The following KCNIP4 variants were observed in gnomAD, a reference collection of about 807,000 sequenced individuals.
The protein encoded by KCNIP4 is Kv channel-interacting protein 4.
In KCNIP4, 12 loss-of-function variants were observed where a neutral mutation model predicts 34.0. The ratio of observed to expected loss-of-function variants is 0.35; its 90% CI spans 0.23 to 0.57. KCNIP4 has a LOEUF of 0.57. Ranked by LOEUF, KCNIP4 falls within the 20% of genes least tolerant of loss-of-function variation. KCNIP4 has a pLI of 0.83. For synonymous variants in KCNIP4, 124 were observed against 102.2 expected (o/e 1.21, Z -1.29); for missense variants, 238 against 311.7 (o/e 0.76, Z 1.78).
chr4:21,888,013 AG>A (rs2109396354), intron 1 of KCNIP4, among the ~76,000 whole-genome samples: 1 of 151,972 alleles, frequency 6.6e-6, no homozygotes, highest in African/African-American at 2.4e-5. Context: ...ACTATGTGCC[AG>A]GTATTGTTCT....
intron 1 of KCNIP4, among the ~76,000 whole-genome samples, chr4:20,969,947 T>C (rs1165804081): frequency 1.1e-5 from 1 of 88,358 alleles, no homozygotes; most frequent in Non-Finnish European, 2.7e-5. Flanking sequence ...TTATCAGCAG[T>C]TTTTTTTTTT....
intron 1 of KCNIP4, among the ~76,000 whole-genome samples, chr4:21,652,800 T>C (rs189569154): frequency 7.2e-5 from 11 of 152,320 alleles, no homozygotes; most frequent in Non-Finnish European, 1.3e-4. Context: ...TGATGATATA[T>C]AATTGGATGT....
At chr4:21,360,038 C>A (rs2109403269) in intron 1 of KCNIP4, among the ~76,000 whole-genome samples, 1 of 152,146 alleles carries the variant, frequency 6.6e-6, no homozygotes, top group East Asian at 1.9e-4. Context: ...TTCATTCATT[C>A]ATAAATTCAT....
rs569333982 is a variant in KCNIP4 at position 21,931,907 on chromosome 4, T to C, written c.61+16664A>G. Among the ~76,000 whole-genome samples, 9 of 152,196 alleles carry C rather than the reference T, an allele frequency of 5.9e-5. 1 individual carries two copies. The South Asian group carries it at 1.7e-3, about 28-fold the overall frequency. On this transcript the variant is annotated intron_variant, in intron 1 of 8. Transcript: ENST00000382152. ...TACAGTCCCACCAACAGTGTAAAAGTGTTCCTATTTCTCCACATCCTCTCC... is the reference window on the plus strand; with the variant it reads ...TACAGTCCCACCAACAGTGTAAAAGCGTTCCTATTTCTCCACATCCTCTCC...
At chr4:21,593,572 G>A (rs1319547886) in intron 1 of KCNIP4, among the ~76,000 whole-genome samples, 1 of 152,034 alleles carries the variant, frequency 6.6e-6, no homozygotes, top group Non-Finnish European at 1.5e-5. Flanking sequence ...TTCTCCAGCT[G>A]TTATCTATTA....
rs571917199 is a variant in KCNIP4 at position 20,906,108 on chromosome 4, C to CTCTCTTTCTCTTCCTCTCTT, written c.62-23419_62-23400dup. On this transcript the variant is annotated intron_variant, in intron 1 of 8. Coordinates refer to ENST00000382152, the MANE Select transcript of KCNIP4 (RefSeq NM_025221.6). ...TCCTTTCTTTTCTTTCTCTCTTTTT[C>CTCTCTTTCTCTTCCTCTCTT]TCTCTTTCTCTTCCTCTCTTTCTCT... 2.7e-3 allele frequency among the ~76,000 whole-genome samples: 349 copies of CTCTCTTTCTCTTCCTCTCTT among 130,092 alleles called. 2 individuals carry two copies. The highest frequency in any genetic ancestry group is 8.7e-3 in the African/African-American group (304 of 35,062). The allele number at this position is 130,092 out of a possible 152,430, so 85.3% of individuals were successfully genotyped here.
At chr4:21,880,672 G>A (rs1395535276) in intron 1 of KCNIP4, among the ~76,000 whole-genome samples, 3 of 152,284 alleles carry the variant, frequency 2.0e-5, no homozygotes, top group Admixed American at 1.3e-4. Context: ...AGAATTTACT[G>A]TATGGCATGT....
At chr4:21,633,475 G>T (rs1745904771) in intron 1 of KCNIP4, among the ~76,000 whole-genome samples, 1 of 151,480 alleles carries the variant, frequency 6.6e-6, no homozygotes, top group Non-Finnish European at 1.5e-5. Flanking sequence ...TGGGAGGTTA[G>T]TATCTTCTAA....
intron 2 of KCNIP4, among the ~76,000 whole-genome samples, chr4:20,875,845 C>T (rs1723957550): frequency 1.3e-5 from 2 of 152,156 alleles, no homozygotes; most frequent in Non-Finnish European, 2.9e-5. Flanking sequence ...GCCAACAGAG[C>T]ATCTAAAAAT....
chr4:21,820,281 GTGTGTATATA>G (rs1294728107), intron 1 of KCNIP4, among the ~76,000 whole-genome samples: 5 of 17,910 alleles, frequency 2.8e-4, no homozygotes, highest in Non-Finnish European at 6.5e-4. Flanking sequence ...GTATGTGTGT[GTGTGTATATA>G]TATATATATA....
chr4:21,257,762 A>G (rs112079922), intron 1 of KCNIP4, among the ~76,000 whole-genome samples: 18 of 106,600 alleles, frequency 1.7e-4, no homozygotes, highest in Admixed American at 2.9e-4. Flanking sequence ...AAAAAAAAAA[A>G]AAAGAAAGAA....
chr4:21,703,472 C>A (rs1560645810), intron 1 of KCNIP4, among the ~76,000 whole-genome samples: 1 of 152,098 alleles, frequency 6.6e-6, no homozygotes, highest in Non-Finnish European at 1.5e-5. Flanking sequence ...GACAAAAAAC[C>A]AAACACCACA....
intron 3 of KCNIP4, among the ~76,000 whole-genome samples, chr4:20,837,695 T>TTTTC (rs1426696277): frequency 6.8e-6 from 1 of 147,510 alleles, no homozygotes; most frequent in African/African-American, 2.5e-5. Context: ...TATTTTTTTT[T>TTTTC]CCTTGGAGAT....
chr4:21,317,490 T>A (rs1243604872), intron 1 of KCNIP4, among the ~76,000 whole-genome samples: 1 of 152,184 alleles, frequency 6.6e-6, no homozygotes, highest in Non-Finnish European at 1.5e-5. Flanking sequence ...CAAGGGGTTG[T>A]TAACGATAAT....
intron 2 of KCNIP4, among the ~76,000 whole-genome samples, chr4:20,870,878 A>G (rs1723381596): frequency 6.6e-6 from 1 of 151,914 alleles, no homozygotes; most frequent in South Asian, 2.1e-4. Flanking sequence ...TTCCTCCTCA[A>G]CCTTCTCTGT....
chr4:20,786,615 C>G (rs984417257), intron 3 of KCNIP4, among the ~76,000 whole-genome samples: 1 of 152,016 alleles, frequency 6.6e-6, no homozygotes, highest in Admixed American at 6.6e-5. Context: ...AACAAACTTA[C>G]CTGGGTAATT....
At chr4:21,135,442 G>C (rs563782838) in intron 1 of KCNIP4, among the ~76,000 whole-genome samples, 1 of 152,126 alleles carries the variant, frequency 6.6e-6, no homozygotes. Context: ...GAAAATATGG[G>C]CTCTATCAGA....
chr4:21,219,023 A>C (rs1757807061), intron 1 of KCNIP4, among the ~76,000 whole-genome samples: 1 of 152,144 alleles, frequency 6.6e-6, no homozygotes, highest in African/African-American at 2.4e-5. Context: ...AATATTGATA[A>C]ATTTAATTAT....
At position 20,736,827 on chromosome 4, in the gene KCNIP4, C is replaced by T. The variant is rs59886929; in HGVS notation, c.430-2092G>A. ...AGAAATAATTGTCAAATTCATATTGCAAGGGACCCTGAATAGCCCAGTCAA... is the reference window on the plus strand; with the variant it reads ...AGAAATAATTGTCAAATTCATATTGTAAGGGACCCTGAATAGCCCAGTCAA... On this transcript the variant is annotated intron_variant, in intron 5 of 8. Transcript: ENST00000382152. Among the ~76,000 whole-genome samples the T allele has an allele frequency of 5.0e-3, 760 of 152,202 alleles. 8 individuals carry two copies. The highest frequency in any genetic ancestry group is 0.017 in the African/African-American group (705 of 41,528).
Sources: allele counts gnomAD v4.1 joint callset (sites outside exome capture counted in the v4.1 genomes callset), GRCh38; gene constraint gnomAD v4.1.1; transcripts MANE v1.5; gene names NCBI Gene and HGNC (gene_info 2026-07-23, HGNC 2026-07-21).